The following DIP2B variants were observed in gnomAD, a reference collection of about 807,000 sequenced individuals.
DIP2B encodes the protein disco-interacting protein 2 homolog B.
In DIP2B, 76 loss-of-function variants were observed where a neutral mutation model predicts 198.0. The observed-to-expected ratio is 0.38, with a 90% CI of 0.32 to 0.46. DIP2B has a LOEUF of 0.46. Ranked by LOEUF, DIP2B falls within the 20% of genes least tolerant of loss-of-function variation. DIP2B has a pLI of 0.99. For synonymous variants in DIP2B, 701 were observed against 739.1 expected (o/e 0.95, Z 0.84); for missense variants, 1,559 against 1,978.4 (o/e 0.79, Z 4.02).
chr12:50,630,758 G>A (rs941026255), intron 2 of DIP2B, among the ~76,000 whole-genome samples: 1 of 129,212 alleles, frequency 7.7e-6, no homozygotes, highest in Non-Finnish European at 1.6e-5. Context: ...TGCAACCTCC[G>A]CCTCCCCAGT....
intron 10 of DIP2B, among the ~76,000 whole-genome samples, chr12:50,684,883 G>A (rs1042795168): frequency 6.6e-6 from 1 of 152,122 alleles, no homozygotes; most frequent in African/African-American, 2.4e-5. Flanking sequence ...CTTGAGGTCA[G>A]GAGTTCAAAA....
intron 1 of DIP2B, among the ~76,000 whole-genome samples, chr12:50,622,226 A>T (rs1437059279): frequency 2.0e-5 from 3 of 152,186 alleles, no homozygotes; most frequent in Non-Finnish European, 2.9e-5. Flanking sequence ...TTTACTTGGT[A>T]GGCTTCTGTA....
At chr12:50,744,206 T>A (rs999933782) in intron 37 of DIP2B, among the ~76,000 whole-genome samples, 1 of 152,178 alleles carries the variant, frequency 6.6e-6, no homozygotes, top group Non-Finnish European at 1.5e-5. Flanking sequence ...TTCGCCATGT[T>A]GGCCAGGCTG....
At chr12:50,724,260 G>A (rs1409972741) in intron 27 of DIP2B, among the ~76,000 whole-genome samples, 1 of 152,228 alleles carries the variant, frequency 6.6e-6, no homozygotes, top group Non-Finnish European at 1.5e-5. Context: ...TAGGTCATAG[G>A]TCACTTTGCA....
intron 4 of DIP2B, among the ~76,000 whole-genome samples, chr12:50,668,834 T>G (rs973279756): frequency 1.3e-5 from 2 of 152,156 alleles, no homozygotes; most frequent in Non-Finnish European, 2.9e-5. Context: ...ACAGGAATAT[T>G]TGTGTCCCGG....
At chr12:50,731,864 A>G (rs544066734) in intron 31 of DIP2B, among the ~76,000 whole-genome samples, 2 of 152,328 alleles carry the variant, frequency 1.3e-5, no homozygotes, top group South Asian at 4.1e-4. Flanking sequence ...TGAAACCTCA[A>G]AATATTAGGA....
chr12:50,608,714 G>C (rs191759871), intron 1 of DIP2B, among the ~76,000 whole-genome samples: 1 of 151,876 alleles, frequency 6.6e-6, no homozygotes, highest in Non-Finnish European at 1.5e-5. Flanking sequence ...CTCTTAATGC[G>C]TGTTCCTAGA....
At chr12:50,545,966 G>A (rs1322334313) in intron 1 of DIP2B, among the ~76,000 whole-genome samples, 2 of 152,128 alleles carry the variant, frequency 1.3e-5, no homozygotes, top group Admixed American at 6.6e-5. Context: ...CTTGTGTATA[G>A]CATGGTAGAA....
At chr12:50,672,585 A>G (rs1938873802) in intron 5 of DIP2B, among the ~76,000 whole-genome samples, 2 of 152,068 alleles carry the variant, frequency 1.3e-5, no homozygotes, top group Admixed American at 1.3e-4. Context: ...TGCTTCTACT[A>G]CTCTGTGAAA....
chr12:50,648,690 T>C (rs1033138584), intron 3 of DIP2B, among the ~76,000 whole-genome samples: 5 of 132,894 alleles, frequency 3.8e-5, no homozygotes, highest in Non-Finnish European at 6.9e-5. Flanking sequence ...TTGAGTTGGG[T>C]TGTTCTTCCC....
chr12:50,727,743 G>T lies in DIP2B; in HGVS notation c.3441G>T (p.Pro1147=), dbSNP rs201286624. The change falls in exon 29 of 38, where the codon CCG becomes CCT. Residue 1147 remains proline, a synonymous_variant. Coordinates refer to ENST00000301180, the MANE Select transcript of DIP2B (RefSeq NM_173602.3). The stretch of plus-strand genomic sequence containing the variant: ...AAAGGTTACCTCAGCTGTATAAACC[G>T]CCCACTCCTGAGATGTTGGCATATC... ...PRKRLPQLYK[P]PTPEMLAYLD... 4 of 1,614,082 alleles carry T rather than the reference G, an allele frequency of 2.5e-6. No individual in the cohort carries two copies. Among genetic ancestry groups the T allele is most frequent in the Admixed American group, 1.7e-5 (1 of 60,026 alleles).
intron 1 of DIP2B, among the ~76,000 whole-genome samples, chr12:50,567,101 A>G (rs187282830): frequency 6.8e-6 from 1 of 146,702 alleles, no homozygotes; most frequent in African/African-American, 2.5e-5. Flanking sequence ...TGATCTTTTT[A>G]TTTGACACAC....
chr12:50,739,355 A>G, intron 35 of DIP2B, 54 bp from the exon 36 acceptor site: 1 of 1,564,716 alleles, frequency 6.4e-7, no homozygotes. Flanking sequence ...ATCCAAGAGA[A>G]TTAATACAGT....
intron 22 of DIP2B, among the ~76,000 whole-genome samples, chr12:50,712,238 T>C (rs1243253974): frequency 6.6e-6 from 1 of 152,166 alleles, no homozygotes; most frequent in Non-Finnish European, 1.5e-5. Flanking sequence ...TCATTCTACT[T>C]CTAAGATTGT....
chr12:50,541,285 G>A (rs953670218), intron 1 of DIP2B, among the ~76,000 whole-genome samples: 6 of 151,812 alleles, frequency 4.0e-5, no homozygotes, highest in African/African-American at 1.2e-4. Context: ...AACTTTTTAA[G>A]CTTCTTTTAT....
chr12:50,739,436 A>AGCG lies in DIP2B; in HGVS notation c.4207_4209dup (p.Gly1403dup), dbSNP rs750491151. The AGCG allele has an allele frequency of 6.2e-7, 1 of 1,613,682 alleles. No individual in the cohort carries two copies. Among genetic ancestry groups the AGCG allele is most frequent in the South Asian group, 1.1e-5 (1 of 91,084 alleles). ...TTGGGTGAACAGTCCCCATACAGCC[A>AGCG]GCGGCTACTACACCATCTATGATAG... On this transcript the variant is annotated inframe_insertion, in exon 36 of 38. Coordinates refer to ENST00000301180, the MANE Select transcript of DIP2B (RefSeq NM_173602.3).
At chr12:50,715,283 A>C (rs1939693442) in intron 23 of DIP2B, among the ~76,000 whole-genome samples, 1 of 152,124 alleles carries the variant, frequency 6.6e-6, no homozygotes. Flanking sequence ...AGTAGCAAGC[A>C]TTTACTTTTT....
At chr12:50,729,155 C>T (rs902070921) in intron 30 of DIP2B, among the ~76,000 whole-genome samples, 3 of 152,200 alleles carry the variant, frequency 2.0e-5, no homozygotes, top group African/African-American at 7.2e-5. Flanking sequence ...GGAACCTCAT[C>T]TCAGACCTGC....
intron 1 of DIP2B, among the ~76,000 whole-genome samples, chr12:50,541,367 AT>A (rs1958323997): frequency 6.7e-6 from 1 of 149,596 alleles, no homozygotes; most frequent in African/African-American, 2.5e-5. Context: ...AAGGAGACCT[AT>A]CAAAAACTTT....
Sources: gnomAD v4.1 joint callset for allele counts (sites outside exome capture counted in the v4.1 genomes callset) on GRCh38, gnomAD v4.1.1 for gene constraint, MANE v1.5 for transcripts, NCBI Gene and HGNC (gene_info 2026-07-23, HGNC 2026-07-21) for gene names.